The following ERF variants were observed in gnomAD, a reference collection of about 807,000 sequenced individuals.
ERF encodes ETS2 repressor factor.
Under a neutral mutation model 41.6 loss-of-function variants are expected in ERF, and 10 were observed. The observed-to-expected ratio is 0.24, with a 90% CI of 0.15 to 0.41. ERF has a LOEUF of 0.41. ERF is among the 10% of genes least tolerant of loss of function. The pLI is 1.00. For missense variants in ERF, 621 were observed against 763.2 expected, an observed-to-expected ratio of 0.81 and a Z score of 2.19; for synonymous variants, 395 against 342.4, an observed-to-expected ratio of 1.15 and a Z score of -1.70.
intron 1 of ERF, among the ~76,000 whole-genome samples, chr19:42,253,257 A>G (rs918546980): frequency 3.3e-5 from 5 of 151,978 alleles, no homozygotes; most frequent in African/African-American, 1.2e-4. Context: ...GCGGCCCTCT[A>G]TGGCGCCAGA....
intron 1 of ERF, chr19:42,254,669 G>A (rs1374474139): frequency 3.5e-6 from 1 of 283,744 alleles, no homozygotes; most frequent in Non-Finnish European, 6.6e-6. Context: ...CGTGACAAGA[G>A]CGGAGGGGAA....
rs548913874 is a variant in ERF at position 42,251,046 on chromosome 19, C to T, written c.23-481G>A. Among the ~76,000 whole-genome samples, 238 of 152,280 alleles carry T rather than the reference C, an allele frequency of 1.6e-3. 1 individual carries two copies. Among genetic ancestry groups the T allele is most frequent in the Middle Eastern group, 0.01 (3 of 294 alleles). ...CCGAAGACCCAACAGAGCCCCTACT[C>T]CCAACCCCAAGACCTGAGAGGAAGA... On this transcript the variant is annotated intron_variant, in intron 1 of 3. Transcript: ENST00000222329.
At chr19:42,253,808 G>GGGGTGGGGT in intron 1 of ERF, 1 of 915,420 alleles carries the variant, frequency 1.1e-6, no homozygotes, top group Non-Finnish European at 1.3e-6. Context: ...GGGTGGGGAT[G>GGGGTGGGGT]GGGTGGGGTG....
In ERF at chr19:42,249,971, G is replaced by A; in HGVS notation, c.258-29C>T. ...TGGGTACAGAAATGCCATTGGGAAG[G>A]TCAGGTACGTGGGACCCAGGTCTAG... On this transcript the variant is annotated intron_variant, in intron 2 of 3. Transcript: ENST00000222329. The surrounding 1 kb of genome is among the most constrained non-coding windows in gnomAD (Gnocchi z 8.6). 6.2e-7 allele frequency: 1 copy of A among 1,603,496 alleles called. No homozygotes were observed. The highest frequency in any genetic ancestry group is 1.3e-5 in the African/African-American group (1 of 74,790).
In ERF at chr19:42,249,580, C is replaced by T. The variant is rs767011693; in HGVS notation, c.532G>A (p.Ala178Thr). 6.2e-7 allele frequency: 1 copy of T among 1,613,578 alleles called. No homozygotes were observed. Among genetic ancestry groups the T allele is most frequent in the South Asian group, 1.1e-5 (1 of 91,084 alleles). Reference sequence around the variant, plus strand: ...ACTGAGCCTCGGCCCAGGCGGCGGGCCACCACAGCCGAGAAGAGGGAAGAT... The same window carrying T: ...ACTGAGCCTCGGCCCAGGCGGCGGGTCACCACAGCCGAGAAGAGGGAAGAT... ...SSSSLFSAVV[A>T]RRLGRGSVSD... The change falls in exon 4 of 4, where the codon GCC becomes ACC. Residue 178 changes from alanine to threonine, a missense_variant. This residue lies in a region of ERF where 569 missense variants were observed against 625.5 expected (regional missense o/e 0.91). Coordinates refer to ENST00000222329, the MANE Select transcript of ERF (RefSeq NM_006494.4). This position sits in a 1 kb window ranked among gnomAD's most constrained non-coding sequence, Gnocchi z 8.6.
chr19:42,251,597 G>A lies in ERF; in HGVS notation c.23-1032C>T, dbSNP rs980293463. On this transcript the variant is annotated intron_variant, in intron 1 of 3. Coordinates refer to ENST00000222329, the MANE Select transcript of ERF (RefSeq NM_006494.4). The stretch of plus-strand genomic sequence containing the variant: ...GTGGGGAGGCAGAGCAGGGTCCCTG[G>A]TGCCACTAGAGAGAGAAGGCCAAGG... 3.3e-5 allele frequency among the ~76,000 whole-genome samples: 5 copies of A among 152,186 alleles called. No individual in the cohort carries two copies. The East Asian group carries it at 9.6e-4, about 29-fold the overall frequency.
Position 42,255,062 on chromosome 19 carries a change from C to T in ERF, c.-63G>A. The stretch of plus-strand genomic sequence containing the variant: ...CGCGGCTCCCGGCGCCCTCGCTGCC[C>T]CGTCCCGTCCCGCGCCCGTCGGGCC... On this transcript the variant is annotated 5_prime_UTR_variant, in exon 1 of 4. Coordinates refer to ENST00000222329, the MANE Select transcript of ERF (RefSeq NM_006494.4). The T allele has an allele frequency of 1.6e-6, 2 of 1,261,694 alleles. No individual in the cohort carries two copies. The highest frequency in any genetic ancestry group is 2.0e-6 in the Non-Finnish European group (2 of 997,338). 78.2% of individuals were successfully genotyped at this position (1,261,694 alleles called of 1,614,324 possible).
In ERF at chr19:42,248,888, C is replaced by T; in HGVS notation, c.1224G>A (p.Gly408=). The change falls in exon 4 of 4, where the codon GGG becomes GGA. Residue 408 remains glycine, a synonymous_variant. Transcript: ENST00000222329. This position sits in a 1 kb window ranked among gnomAD's most constrained non-coding sequence, Gnocchi z 4.2. ...GADKSGGSAG[G]LAEGAGALAP... is the part of the protein sequence containing the mutation. Reference sequence around the variant, plus strand: ...CTAGCGCCCCTGCCCCCTCAGCCAGCCCGCCTGCACTGCCACCGCTCTTGT... The same window carrying T: ...CTAGCGCCCCTGCCCCCTCAGCCAGTCCGCCTGCACTGCCACCGCTCTTGT... The T allele has an allele frequency of 6.2e-7, 1 of 1,607,370 alleles. No homozygotes were observed. Among genetic ancestry groups the T allele is most frequent in the Non-Finnish European group, 8.5e-7 (1 of 1,178,784 alleles).
rs2036413495 is a variant in ERF, at chr19:42,249,787, C to T, written c.373+40G>A. ...AGGCCCCTGGCCTAGCCTGAAGGGG[C>T]ATGTAGACCCTCTCCACACCAACCA... On this transcript the variant is annotated intron_variant, in intron 3 of 3. Transcript: ENST00000222329. The surrounding 1 kb of genome is among the most constrained non-coding windows in gnomAD (Gnocchi z 8.6). The T allele has an allele frequency of 1.2e-6, 2 of 1,613,996 alleles. No individual in the cohort carries two copies. Among genetic ancestry groups the T allele is most frequent in the Non-Finnish European group, 1.7e-6 (2 of 1,179,928 alleles).
At position 42,250,221 on chromosome 19, in the gene ERF, G is replaced by C. The variant is rs1371103064; in HGVS notation, c.257+110C>G. On this transcript the variant is annotated intron_variant, in intron 2 of 3. Transcript: ENST00000222329. The surrounding 1 kb of genome is among the most constrained non-coding windows in gnomAD (Gnocchi z 5.1). ...GAGTGGCCCAAGGTCACACAGCTAG[G>C]ATTTGGCAAAGCCAGGGGTCAGACC... 2 of 1,292,596 alleles carry C rather than the reference G, an allele frequency of 1.5e-6. No homozygotes were observed. Among genetic ancestry groups the C allele is most frequent in the Non-Finnish European group, 2.2e-6 (2 of 930,024 alleles). The allele number at this position is 1,292,596 out of a possible 1,614,324, so 80.1% of individuals were successfully genotyped here. A position where few individuals can be genotyped will look rare whatever the true frequency, so the allele number is the denominator to read the frequency against.
rs750465267 is a variant in ERF, at chr19:42,249,086, G to A, written c.1026C>T (p.Pro342=). Residue 342 remains proline (P), a synonymous_variant, in exon 4 of 4, where the codon CCC becomes CCT. Coordinates refer to ENST00000222329, the MANE Select transcript of ERF (RefSeq NM_006494.4). This position sits in a 1 kb window ranked among gnomAD's most constrained non-coding sequence, Gnocchi z 8.6. The part of the protein sequence containing the change: ...LHYPGLVVPQ[P]QRPDKCPLPP... Reference sequence around the variant, plus strand: ...GCAGCGGGCACTTGTCAGGGCGCTGGGGCTGGGGCACCACCAGCCCAGGGT... The same window carrying A: ...GCAGCGGGCACTTGTCAGGGCGCTGAGGCTGGGGCACCACCAGCCCAGGGT... The A allele has an allele frequency of 1.2e-6, 2 of 1,613,490 alleles. No homozygotes were observed. Among genetic ancestry groups the A allele is most frequent in the Admixed American group, 3.3e-5 (2 of 59,994 alleles).
rs763109914 is a variant in ERF, at chr19:42,248,444, C to T, written c.*21G>A. On this transcript the variant is annotated 3_prime_UTR_variant, in exon 4 of 4. Coordinates refer to ENST00000222329, the MANE Select transcript of ERF (RefSeq NM_006494.4). The surrounding 1 kb of genome is among the most constrained non-coding windows in gnomAD (Gnocchi z 4.2). ...AGAAGCATGGGGGGTGCGGGGCACA[C>T]AGGTCCCCTGCCCACAGCCCTCAGG... 1 of 1,468,952 alleles carries T rather than the reference C, an allele frequency of 6.8e-7. No homozygotes were observed. Among genetic ancestry groups the T allele is most frequent in the Non-Finnish European group, 9.0e-7 (1 of 1,110,738 alleles). 91.0% of individuals were successfully genotyped at this position (1,468,952 alleles called of 1,614,324 possible).
chr19:42,252,495 T>C (rs2036460499), intron 1 of ERF, among the ~76,000 whole-genome samples: 1 of 151,898 alleles, frequency 6.6e-6, no homozygotes, highest in Non-Finnish European at 1.5e-5. Flanking sequence ...AGAGACTACA[T>C]GCAACACAAA....
chr19:42,253,747 C>T, intron 1 of ERF: 1 of 545,704 alleles, frequency 1.8e-6, no homozygotes, highest in Non-Finnish European at 2.3e-6. Flanking sequence ...TAAGATTAAG[C>T]CGCCCCCACC....
At chr19:42,251,103 G>A (rs1023283660) in intron 1 of ERF, among the ~76,000 whole-genome samples, 4 of 151,806 alleles carry the variant, frequency 2.6e-5, no homozygotes, top group Non-Finnish European at 5.9e-5. Context: ...GGACCAGGAG[G>A]GGTGGGGTGA....
At position 42,249,473 on chromosome 19, in the gene ERF, A is replaced by T. The variant is rs1379817203; in HGVS notation, c.639T>A (p.Asp213Glu). The change falls in exon 4 of 4, where the codon GAT (aspartate) becomes GAA (glutamate). Residue 213 changes from aspartate to glutamate, a missense_variant. By Grantham distance (45) the Asp-to-Glu change is conservative (BLOSUM62 2). Coordinates refer to ENST00000222329, the MANE Select transcript of ERF (RefSeq NM_006494.4). The surrounding 1 kb of genome is among the most constrained non-coding windows in gnomAD (Gnocchi z 8.6). ...GCGGGGGCCCTCGGAAGGCACCCAG[A>T]TCCGGAGGGCCGGGTGGTCGGGCGC... is the stretch of plus-strand genomic sequence containing the variant. ...DPRARPPGPPDLGAFRGPPLA... is the reference protein window; with the variant it reads ...DPRARPPGPPELGAFRGPPLA... 1.2e-6 allele frequency: 2 copies of T among 1,606,088 alleles called. No homozygotes were observed. The highest frequency in any genetic ancestry group is 1.3e-5 in the African/African-American group (1 of 74,806).
At chr19:42,253,465 G>A (rs932381622) in intron 1 of ERF, among the ~76,000 whole-genome samples, 2 of 152,082 alleles carry the variant, frequency 1.3e-5, no homozygotes, top group Admixed American at 6.5e-5. Flanking sequence ...CGACAGGGTT[G>A]GGGAAGCGAC....
At position 42,253,974 on chromosome 19, in the gene ERF, C is replaced by G. The variant is rs960506798; in HGVS notation, c.22+1004G>C. On this transcript the variant is annotated intron_variant, in intron 1 of 3. Coordinates refer to ENST00000222329, the MANE Select transcript of ERF (RefSeq NM_006494.4). The stretch of plus-strand genomic sequence containing the variant: ...CCGGGCCGGATTCCGACGGGGTAGA[C>G]GGGCAGGGGGCGGCTGGGACCCCTC... 6 of 1,009,636 alleles carry G rather than the reference C, an allele frequency of 5.9e-6. No homozygotes were observed. The African/African-American group carries it at 8.8e-5, about 15-fold the overall frequency. 62.5% of individuals were successfully genotyped at this position (1,009,636 alleles called of 1,614,324 possible). A position where few individuals can be genotyped will look rare whatever the true frequency, so the allele number is the denominator to read the frequency against.
At chr19:42,251,421 C>G (rs1400477514) in intron 1 of ERF, 1 of 936,336 alleles carries the variant, frequency 1.1e-6, no homozygotes, top group African/African-American at 2.2e-5. Context: ...GCTGGCTGGT[C>G]TCTGGAGGGG....
Sources: allele counts gnomAD v4.1 joint callset (sites outside exome capture counted in the v4.1 genomes callset), GRCh38; gene constraint gnomAD v4.1.1; regional missense constraint gnomAD v4.1.1; non-coding constraint Gnocchi (gnomAD v3.1); transcripts MANE v1.5; gene names NCBI Gene and HGNC (gene_info 2026-07-23, HGNC 2026-07-21).